KCNQ1: variants seen among roughly 807,000 people sequenced by gnomAD.
KCNQ1 encodes potassium voltage-gated channel subfamily KQT member 1.
In KCNQ1, 49 loss-of-function variants were observed where a neutral mutation model predicts 72.4. That is an observed-to-expected ratio of 0.68 (90% CI 0.54 to 0.86). The LOEUF (loss-of-function observed/expected upper bound fraction) is 0.86. Ranked by LOEUF, KCNQ1 falls within the 40% of genes least tolerant of loss-of-function variation. The probability of loss-of-function intolerance (pLI) is 0.00; values close to 1 mark genes in which losing one functional copy is unlikely to be tolerated. For synonymous variants in KCNQ1, 450 were observed against 412.6 expected (o/e 1.09, Z -1.10); for missense variants, 790 against 945.1 (o/e 0.84, Z 2.15).
chr11:2,656,805 ATTC>A, intron 10 of KCNQ1: 1 of 398,626 alleles, frequency 2.5e-6, no homozygotes, highest in Non-Finnish European at 4.4e-6. Flanking sequence ...TCATTAAGAT[ATTC>A]TTCTATATTC....
At chr11:2,528,901 G>A (rs560009682) in intron 2 of KCNQ1, among the ~76,000 whole-genome samples, 17 of 152,296 alleles carry the variant, frequency 1.1e-4, no homozygotes, top group South Asian at 8.3e-4. Flanking sequence ...AGTGGTATCC[G>A]TCTCATTTCT....
In KCNQ1 at chr11:2,447,359, G is replaced by A. The variant is rs1226339745; in HGVS notation, c.386+1875G>A. Among the ~76,000 whole-genome samples the A allele has an allele frequency of 1.3e-5, 2 of 152,112 alleles. No homozygotes were observed. The highest frequency in any genetic ancestry group is 4.8e-5 in the African/African-American group (2 of 41,416). ...TGCTTCTGTGAAGTGGCCAGATCTG[G>A]GGCTGGTCCTTTCCAGTTCTGGGTC... On this transcript the variant is annotated intron_variant, in intron 1 of 15. Transcript: ENST00000155840. This position sits in a 1 kb window ranked among gnomAD's most constrained non-coding sequence, Gnocchi z 7.6.
rs575981904 is a variant in KCNQ1 at position 2,623,362 on chromosome 11, G to A, written c.1393+34508G>A. On this transcript the variant is annotated intron_variant, in intron 10 of 15. Coordinates refer to ENST00000155840, the MANE Select transcript of KCNQ1 (RefSeq NM_000218.3). This position sits in a 1 kb window ranked among gnomAD's most constrained non-coding sequence, Gnocchi z 5.2. ...TACCATTATAGTATCATACAGATAC[G>A]TATATTTACATATATTTGTACATTT... is the stretch of plus-strand genomic sequence containing the variant. 5.3e-5 allele frequency: 21 copies of A among 398,532 alleles called. No homozygotes were observed. In the South Asian group the frequency reaches 1.5e-3, roughly 29 times the overall value. The allele number at this position is 398,532 out of a possible 1,614,324, so 24.7% of individuals were successfully genotyped here.
chr11:2,810,553 C>T (rs535160965), intron 15 of KCNQ1, among the ~76,000 whole-genome samples: 3 of 152,190 alleles, frequency 2.0e-5, no homozygotes, highest in Admixed American at 6.5e-5. Context: ...GCTCTCTGAC[C>T]GTGGTCATGG....
rs35412197 is a variant in KCNQ1, at chr11:2,477,734, T to TA, written c.386+32264dup. 0.17 allele frequency among the ~76,000 whole-genome samples: 24,289 copies of TA among 141,480 alleles called. 2,451 individuals carry two copies. Among genetic ancestry groups the TA allele is most frequent in the Non-Finnish European group, 0.24 (15,639 of 64,530 alleles). 92.8% of individuals were successfully genotyped at this position (141,480 alleles called of 152,430 possible). Reference sequence around the variant, plus strand: ...ATAGTGAGACCCCATCTCTTTTTATTAAAAAAAAAAAAAAGACCATACATA... The same window carrying TA: ...ATAGTGAGACCCCATCTCTTTTTATTAAAAAAAAAAAAAAAGACCATACATA... On this transcript the variant is annotated intron_variant, in intron 1 of 15. Coordinates refer to ENST00000155840, the MANE Select transcript of KCNQ1 (RefSeq NM_000218.3). This position sits in a 1 kb window ranked among gnomAD's most constrained non-coding sequence, Gnocchi z 5.0.
In KCNQ1 at chr11:2,626,908, C is replaced by A; in HGVS notation, c.1394-35053C>A. 1 of 398,510 alleles carries A rather than the reference C, an allele frequency of 2.5e-6. No individual in the cohort carries two copies. Among genetic ancestry groups the A allele is most frequent in the South Asian group, 1.3e-4 (1 of 7,840 alleles). 24.7% of individuals were successfully genotyped at this position (398,510 alleles called of 1,614,324 possible). A position where few individuals can be genotyped will look rare whatever the true frequency, so the allele number is the denominator to read the frequency against. On this transcript the variant is annotated intron_variant, in intron 10 of 15. Transcript: ENST00000155840. This position sits in a 1 kb window ranked among gnomAD's most constrained non-coding sequence, Gnocchi z 4.0. ...CAAGAATGTTTTAGCTATTCAAGGT[C>A]CCTTGAGATTCCATGTGAATTTTAG...
Position 2,576,665 on chromosome 11 carries a change from C to T in KCNQ1, c.921+3679C>T, listed in dbSNP as rs140029464. 9.9e-3 allele frequency among the ~76,000 whole-genome samples: 1,506 copies of T among 152,378 alleles called. 22 individuals are homozygous for T. The highest frequency in any genetic ancestry group is 0.01 in the Non-Finnish European group (704 of 68,042). On this transcript the variant is annotated intron_variant, in intron 6 of 15. Transcript: ENST00000155840. ...CACCTGGAGCCTCCAGAAATTCCCG[C>T]CTCCCTGGCAACGCTGCACCCTGGC...
rs1056626468 is a variant in KCNQ1 at position 2,600,456 on chromosome 11, A to G, written c.1393+11602A>G. Among the ~76,000 whole-genome samples the G allele has an allele frequency of 5.3e-5, 8 of 152,216 alleles. No individual in the cohort carries two copies. The highest frequency in any genetic ancestry group is 1.2e-4 in the Non-Finnish European group (8 of 68,038). On this transcript the variant is annotated intron_variant, in intron 10 of 15. Transcript: ENST00000155840. The surrounding 1 kb of genome is among the most constrained non-coding windows in gnomAD (Gnocchi z 5.6). ...TTTGCCACATTTGCTTTATCATTTG[A>G]ACCCCTTTCTCTACATTATATTCAC...
Position 2,826,752 on chromosome 11 carries a change from A to G in KCNQ1, c.1795-21015A>G, listed in dbSNP as rs1265132805. Among the ~76,000 whole-genome samples, 3 of 152,230 alleles carry G rather than the reference A, an allele frequency of 2.0e-5. No individual in the cohort carries two copies. Among genetic ancestry groups the G allele is most frequent in the African/African-American group, 7.2e-5 (3 of 41,472 alleles). ...TGGGGCCCCTGCCCTGCCTCCACTCAGAATCCCACTATGTGCTTGGAGCCA... is the reference window on the plus strand; with the variant it reads ...TGGGGCCCCTGCCCTGCCTCCACTCGGAATCCCACTATGTGCTTGGAGCCA... On this transcript the variant is annotated intron_variant, in intron 15 of 15. Coordinates refer to ENST00000155840, the MANE Select transcript of KCNQ1 (RefSeq NM_000218.3). This position sits in a 1 kb window ranked among gnomAD's most constrained non-coding sequence, Gnocchi z 4.2.
intron 1 of KCNQ1, among the ~76,000 whole-genome samples, chr11:2,513,153 G>A (rs542620149): frequency 1.3e-5 from 2 of 152,282 alleles, no homozygotes; most frequent in East Asian, 3.9e-4. Context: ...GACCCTGTGT[G>A]ATGTGAGTGC....
chr11:2,697,580 T>C (rs1276178647), intron 11 of KCNQ1: 7 of 398,496 alleles, frequency 1.8e-5, no homozygotes, highest in African/African-American at 6.2e-5. Context: ...AAATCACACA[T>C]AGGCGTTAAA....
In KCNQ1 at chr11:2,549,726, G is replaced by A. The variant is rs1305995441; in HGVS notation, c.478-20902G>A. 6.6e-6 allele frequency among the ~76,000 whole-genome samples: 1 copy of A among 152,072 alleles called. No homozygotes were observed. Among genetic ancestry groups the A allele is most frequent in the East Asian group, 1.9e-4 (1 of 5,180 alleles). Reference sequence around the variant, plus strand: ...TGGCCCTGGGCTCCCCAGGCCTGGTGTGGGGGTGCCTGGGGGGCAGTGGAC... The same window carrying A: ...TGGCCCTGGGCTCCCCAGGCCTGGTATGGGGGTGCCTGGGGGGCAGTGGAC... On this transcript the variant is annotated intron_variant, in intron 2 of 15. Transcript: ENST00000155840. This position sits in a 1 kb window ranked among gnomAD's most constrained non-coding sequence, Gnocchi z 6.2.
At chr11:2,749,495 G>A (rs1846189737) in intron 11 of KCNQ1, among the ~76,000 whole-genome samples, 1 of 152,246 alleles carries the variant, frequency 6.6e-6, no homozygotes, top group South Asian at 2.1e-4. Flanking sequence ...GAATGATCGA[G>A]GAGTTAACAT....
rs1846538768 is a variant in KCNQ1 at position 2,768,712 on chromosome 11, C to A, written c.1515-132C>A. On this transcript the variant is annotated intron_variant, in intron 11 of 15. Coordinates refer to ENST00000155840, the MANE Select transcript of KCNQ1 (RefSeq NM_000218.3). The surrounding 1 kb of genome is among the most constrained non-coding windows in gnomAD (Gnocchi z 6.7). ...TGGGACATGGCCTAAGTATCTCCATCCCATGGAGTTGAACACTCTCCTTGT... is the reference window on the plus strand; with the variant it reads ...TGGGACATGGCCTAAGTATCTCCATACCATGGAGTTGAACACTCTCCTTGT... 9 of 759,808 alleles carry A rather than the reference C, an allele frequency of 1.2e-5. No homozygotes were observed. The highest frequency in any genetic ancestry group is 4.3e-5 in the South Asian group (3 of 69,028). 47.1% of individuals were successfully genotyped at this position (759,808 alleles called of 1,614,324 possible). A position where few individuals can be genotyped will look rare whatever the true frequency, so the allele number is the denominator to read the frequency against.
chr11:2,527,862 C>T (rs995009020), intron 1 of KCNQ1, 66 bp from the exon 2 acceptor site: 1 of 1,451,184 alleles, frequency 6.9e-7, no homozygotes, highest in African/African-American at 1.4e-5. Flanking sequence ...GGCCCCTCCA[C>T]TCCCCAGGTG....
intron 15 of KCNQ1, among the ~76,000 whole-genome samples, chr11:2,789,918 C>A (rs1590089169): frequency 1.3e-5 from 2 of 152,208 alleles, no homozygotes; most frequent in Non-Finnish European, 2.9e-5. Context: ...TCCTAACATC[C>A]TGTGAGGTCC....
At chr11:2,461,257 A>T (rs1298921632) in intron 1 of KCNQ1, among the ~76,000 whole-genome samples, 2 of 152,142 alleles carry the variant, frequency 1.3e-5, no homozygotes, top group African/African-American at 2.4e-5. Context: ...GGGCCATCTG[A>T]TGCCCCCCTT....
intron 2 of KCNQ1, among the ~76,000 whole-genome samples, chr11:2,553,787 C>T (rs868127406): frequency 6.6e-6 from 1 of 152,004 alleles, no homozygotes; most frequent in East Asian, 1.9e-4. Context: ...GTGATCTCGG[C>T]TCACTGCAGC....
intron 10 of KCNQ1, among the ~76,000 whole-genome samples, chr11:2,597,522 C>T (rs1848749569): frequency 6.6e-6 from 1 of 152,110 alleles, no homozygotes; most frequent in African/African-American, 2.4e-5. Flanking sequence ...GCAGGACATC[C>T]CTGATATCTG....
Sources: allele counts gnomAD v4.1 joint callset (sites outside exome capture counted in the v4.1 genomes callset), GRCh38; gene constraint gnomAD v4.1.1; non-coding constraint Gnocchi (gnomAD v3.1); transcripts MANE v1.5; gene names NCBI Gene and HGNC (gene_info 2026-07-23, HGNC 2026-07-21).